CADM1: variants seen among roughly 807,000 people sequenced by gnomAD.
CADM1 encodes cell adhesion molecule 1.
In CADM1, 15 loss-of-function variants were observed where a neutral mutation model predicts 53.1. The ratio of observed to expected loss-of-function variants is 0.28; its 90% confidence interval spans 0.19 to 0.44. CADM1 has a LOEUF of 0.44. CADM1 is among the 20% of genes least tolerant of loss of function. CADM1 has a pLI of 1.00. For missense variants in CADM1, 434 were observed against 611.3 expected, an observed-to-expected ratio of 0.71 and a Z score of 3.06; for synonymous variants, 281 against 243.0, an observed-to-expected ratio of 1.16 and a Z score of -1.45.
intron 1 of CADM1, among the ~76,000 whole-genome samples, chr11:115,452,865 ATT>A (rs1948604654): frequency 6.6e-6 from 1 of 152,146 alleles, no homozygotes; most frequent in Admixed American, 6.5e-5. Context: ...CTCCAAAATA[ATT>A]TTTAAGGAGA....
At chr11:115,219,597 G>T (rs1161718160) in intron 5 of CADM1, among the ~76,000 whole-genome samples, 1 of 152,154 alleles carries the variant, frequency 6.6e-6, no homozygotes. Context: ...GAGCAAAATG[G>T]TGTTGAGGTT....
At chr11:115,276,049 G>A (rs1943435215) in intron 1 of CADM1, among the ~76,000 whole-genome samples, 2 of 152,002 alleles carry the variant, frequency 1.3e-5, no homozygotes. Context: ...GGAGAAAACA[G>A]GTTATTTAAA....
At chr11:115,182,216 C>T (rs187254809) in intron 10 of CADM1, among the ~76,000 whole-genome samples, 1 of 152,190 alleles carries the variant, frequency 6.6e-6, no homozygotes, top group Non-Finnish European at 1.5e-5. Flanking sequence ...GATTCTACAG[C>T]TGCCCCTAGC....
At chr11:115,406,109 T>C (rs183566631) in intron 1 of CADM1, among the ~76,000 whole-genome samples, 28 of 152,372 alleles carry the variant, frequency 1.8e-4, no homozygotes, top group Admixed American at 1.8e-3. Context: ...CATGGGGATA[T>C]TTCTTTTCTC....
chr11:115,418,223 T>C (rs1947657705), intron 1 of CADM1, among the ~76,000 whole-genome samples: 1 of 152,100 alleles, frequency 6.6e-6, no homozygotes, highest in Non-Finnish European at 1.5e-5. Context: ...TATATTTTGA[T>C]AATCCGAAAA....
At chr11:115,408,481 A>ATGTGGAGCGGCCAAAAGC (rs1296097496) in intron 1 of CADM1, among the ~76,000 whole-genome samples, 3 of 152,224 alleles carry the variant, frequency 2.0e-5, no homozygotes, top group Non-Finnish European at 4.4e-5. Context: ...CTCTTCAAAG[A>ATGTGGAGCGGCCAAAAGC]TGTGGAGCGG....
intron 5 of CADM1, among the ~76,000 whole-genome samples, chr11:115,220,651 G>A (rs1337449587): frequency 2.6e-5 from 4 of 152,060 alleles, no homozygotes; most frequent in African/African-American, 7.2e-5. Context: ...ATCTGACCAC[G>A]GGCAGATGAG....
chr11:115,465,975 T>C (rs529574584), intron 1 of CADM1, among the ~76,000 whole-genome samples: 1 of 152,172 alleles, frequency 6.6e-6, no homozygotes, highest in Non-Finnish European at 1.5e-5. Context: ...ATGACTTCCA[T>C]GTATTCAACC....
intron 1 of CADM1, among the ~76,000 whole-genome samples, chr11:115,414,923 T>C (rs1947556171): frequency 6.6e-6 from 1 of 152,224 alleles, no homozygotes; most frequent in South Asian, 2.1e-4. Flanking sequence ...CGGTGCCTGA[T>C]TTAAGTAGAT....
At chr11:115,211,654 A>G (rs1298888025) in intron 7 of CADM1, among the ~76,000 whole-genome samples, 2 of 128,984 alleles carry the variant, frequency 1.6e-5, no homozygotes, top group East Asian at 4.6e-4. Context: ...TAATTTTTGT[A>G]TTTTTTTTTT....
chr11:115,263,178 G>A (rs933519016), intron 1 of CADM1, among the ~76,000 whole-genome samples: 2 of 152,150 alleles, frequency 1.3e-5, no homozygotes, highest in South Asian at 2.1e-4. Context: ...TTGATCCATC[G>A]GTCAAGGTGA....
chr11:115,191,015 T>C (rs1301072572), intron 9 of CADM1, 74 bp from the exon 10 acceptor site: 4 of 1,255,964 alleles, frequency 3.2e-6, no homozygotes, highest in Non-Finnish European at 1.1e-6. Flanking sequence ...GAACTGAGGA[T>C]GAATTTCTTT....
chr11:115,222,615 C>T (rs1941447589), intron 5 of CADM1, among the ~76,000 whole-genome samples: 1 of 98,322 alleles, frequency 1.0e-5, no homozygotes, highest in Non-Finnish European at 2.7e-5. Flanking sequence ...AGTACTGAAA[C>T]TGGGCTTCCT....
At chr11:115,327,377 C>G (rs1944985335) in intron 1 of CADM1, among the ~76,000 whole-genome samples, 1 of 152,188 alleles carries the variant, frequency 6.6e-6, no homozygotes, top group East Asian at 1.9e-4. Context: ...ATGCTGCTCA[C>G]TCTATCGGGT....
intron 1 of CADM1, among the ~76,000 whole-genome samples, chr11:115,379,891 G>A (rs1424860145): frequency 6.6e-6 from 1 of 152,026 alleles, no homozygotes; most frequent in Non-Finnish European, 1.5e-5. Flanking sequence ...TTTGTTTTAG[G>A]CACCAATTAA....
Position 115,175,324 on chromosome 11 carries a change from T to C in CADM1, c.*1150A>G. 2 of 982,432 alleles carry C rather than the reference T, an allele frequency of 2.0e-6. No homozygotes were observed. Among genetic ancestry groups the C allele is most frequent in the Non-Finnish European group, 2.4e-6 (2 of 829,430 alleles). 60.9% of individuals were successfully genotyped at this position (982,432 alleles called of 1,614,324 possible). A position where few individuals can be genotyped will look rare whatever the true frequency, so the allele number is the denominator to read the frequency against. ...ATCCCAGCATGACAAATATCTGTAA[T>C]ATACAGTACATGCAGGCCACATCCT... is the stretch of plus-strand genomic sequence containing the variant. On this transcript the variant is annotated 3_prime_UTR_variant, in exon 12 of 12. Coordinates refer to ENST00000331581, the MANE Select transcript of CADM1 (RefSeq NM_001301043.2).
intron 1 of CADM1, among the ~76,000 whole-genome samples, chr11:115,268,388 T>C (rs1221983071): frequency 2.6e-5 from 4 of 152,182 alleles, no homozygotes; most frequent in Non-Finnish European, 5.9e-5. Flanking sequence ...TTTCAGGTCA[T>C]CCTTTTCAGG....
At chr11:115,455,553 T>G (rs777156332) in intron 1 of CADM1, among the ~76,000 whole-genome samples, 1 of 152,150 alleles carries the variant, frequency 6.6e-6, no homozygotes, top group Non-Finnish European at 1.5e-5. Flanking sequence ...AAGATTCCAG[T>G]AGAGTCAAGT....
At chr11:115,350,408 G>A in intron 1 of CADM1, among the ~76,000 whole-genome samples, 1 of 152,172 alleles carries the variant, frequency 6.6e-6, no homozygotes, top group South Asian at 2.1e-4. Flanking sequence ...AAGAAGGCAG[G>A]GAAGGGGAGA....
Sources: allele counts gnomAD v4.1 joint callset (sites outside exome capture counted in the v4.1 genomes callset), GRCh38; gene constraint gnomAD v4.1.1; transcripts MANE v1.5; gene names NCBI Gene and HGNC (gene_info 2026-07-23, HGNC 2026-07-21).